The following MAST4 variants were observed in gnomAD, a reference collection of about 807,000 sequenced individuals.
MAST4 encodes the protein microtubule-associated serine/threonine-protein kinase 4.
MAST4 carries 89 observed loss-of-function variants against 162.7 expected under a neutral mutation model. That is an observed-to-expected ratio of 0.55 (90% CI 0.46 to 0.65). MAST4 has a LOEUF of 0.65. MAST4 is among the 30% of genes least tolerant of loss of function. The probability of loss-of-function intolerance (pLI) is 0.00; values close to 1 mark genes in which losing one functional copy is unlikely to be tolerated. For missense variants in MAST4, 3,153 were observed against 3,374.0 expected, an observed-to-expected ratio of 0.93 and a Z score of 1.62; for synonymous variants, 1,479 against 1,361.1, an observed-to-expected ratio of 1.09 and a Z score of -1.91.
At chr5:66,609,502 A>C (rs1743138028) in intron 1 of MAST4, among the ~76,000 whole-genome samples, 1 of 142,418 alleles carries the variant, frequency 7.0e-6, no homozygotes. Context: ...CCATCCTCCC[A>C]CCTTAGCCTC....
intron 3 of MAST4, among the ~76,000 whole-genome samples, chr5:66,875,235 T>A (rs1166372899): frequency 2.0e-5 from 3 of 152,226 alleles, no homozygotes; most frequent in East Asian, 1.9e-4. Flanking sequence ...ATTGGAAGAC[T>A]GGTTGCCATA....
chr5:67,153,682 C>A, intron 26 of MAST4, 102 bp downstream of exon 26: 1 of 1,112,546 alleles, frequency 9.0e-7, no homozygotes, highest in Non-Finnish European at 1.2e-6. Context: ...TGTCTGATTA[C>A]TGAGAAAGTA....
intron 1 of MAST4, among the ~76,000 whole-genome samples, chr5:66,642,197 A>G (rs1745532736): frequency 6.6e-6 from 1 of 152,208 alleles, no homozygotes; most frequent in Non-Finnish European, 1.5e-5. Context: ...TCTAACTGCC[A>G]ATTTATAAGA....
chr5:66,802,245 A>G (rs1458272226), intron 3 of MAST4, among the ~76,000 whole-genome samples: 2 of 151,990 alleles, frequency 1.3e-5, no homozygotes, highest in African/African-American at 4.8e-5. Context: ...CTTGTATTTC[A>G]TTTTTATTTA....
At chr5:66,630,376 C>T (rs142203771) in intron 1 of MAST4, among the ~76,000 whole-genome samples, 60 of 152,278 alleles carry the variant, frequency 3.9e-4, no homozygotes, top group African/African-American at 1.3e-3. Context: ...AAAATTGTGA[C>T]TCTTCAAATA....
chr5:66,741,347 C>G (rs552664653), intron 1 of MAST4, among the ~76,000 whole-genome samples: 11 of 152,292 alleles, frequency 7.2e-5, no homozygotes. Context: ...GCACAGTGGC[C>G]AAACCACACT....
At chr5:66,911,396 T>C (rs548292896) in intron 4 of MAST4, among the ~76,000 whole-genome samples, 57 of 152,212 alleles carry the variant, frequency 3.7e-4, no homozygotes, top group African/African-American at 1.3e-3. Flanking sequence ...TTTTTTTAGA[T>C]TGCAAACTCT....
At chr5:67,148,441 G>A (rs767336732) in intron 23 of MAST4, among the ~76,000 whole-genome samples, 3 of 152,186 alleles carry the variant, frequency 2.0e-5, no homozygotes, top group Non-Finnish European at 2.9e-5. Context: ...TCACCCTGCT[G>A]CAGAGCTTTC....
chr5:66,730,699 T>G (rs1288224333), intron 1 of MAST4, among the ~76,000 whole-genome samples: 3 of 152,138 alleles, frequency 2.0e-5, no homozygotes, highest in Non-Finnish European at 4.4e-5. Context: ...AAAATGTAGA[T>G]TTTTGAAGCG....
chr5:66,964,913 C>A lies in MAST4; in HGVS notation c.674+64931C>A, dbSNP rs141253075. Among the ~76,000 whole-genome samples, 454 of 152,260 alleles carry A rather than the reference C, an allele frequency of 3.0e-3. 14 individuals are homozygous for A. The East Asian group carries it at 0.032, about 11-fold the overall frequency. On this transcript the variant is annotated intron_variant, in intron 4 of 28. Transcript: ENST00000403625. ...TTATTTCATAAACGCAAATGAATGACGAATTTGCCACTTATGGCCACTTCC... is the reference window on the plus strand; with the variant it reads ...TTATTTCATAAACGCAAATGAATGAAGAATTTGCCACTTATGGCCACTTCC...
chr5:67,052,551 TTAAG>T (rs1364883659), intron 4 of MAST4, among the ~76,000 whole-genome samples: 2 of 152,164 alleles, frequency 1.3e-5, no homozygotes, highest in African/African-American at 4.8e-5. Flanking sequence ...TAGAAATTTT[TTAAG>T]TTTTTCTTAA....
intron 10 of MAST4, among the ~76,000 whole-genome samples, chr5:67,105,137 A>C (rs1317286902): frequency 6.6e-6 from 1 of 152,200 alleles, no homozygotes; most frequent in Non-Finnish European, 1.5e-5. Flanking sequence ...CTAGCACTTG[A>C]TAACACCCAG....
rs1186357712 is a variant in MAST4 at position 66,596,582 on chromosome 5, G to T, written c.-74G>T. The T allele has an allele frequency of 2.2e-6, 3 of 1,347,842 alleles. No individual in the cohort carries two copies. The highest frequency in any genetic ancestry group is 1.9e-5 in the South Asian group (1 of 51,454). 83.5% of individuals were successfully genotyped at this position (1,347,842 alleles called of 1,614,324 possible). Reference sequence around the variant, plus strand: ...CCAGTGAGCCTGAGCCCAGGAGCCCGCGTCTTCCCCGGGAGGCGCTGAGTG... The same window carrying T: ...CCAGTGAGCCTGAGCCCAGGAGCCCTCGTCTTCCCCGGGAGGCGCTGAGTG... On this transcript the variant is annotated 5_prime_UTR_variant, in exon 1 of 29. Transcript: ENST00000403625.
intron 4 of MAST4, among the ~76,000 whole-genome samples, chr5:66,983,138 T>C (rs537699789): frequency 3.6e-4 from 55 of 152,336 alleles, no homozygotes; most frequent in African/African-American, 1.3e-3. Context: ...CACTGAGCTT[T>C]TCTTGTGCTC....
chr5:66,736,676 T>C (rs1318087966), intron 1 of MAST4, among the ~76,000 whole-genome samples: 1 of 152,232 alleles, frequency 6.6e-6, no homozygotes, highest in African/African-American at 2.4e-5. Flanking sequence ...CAGGTACAGT[T>C]AACAGTGGTC....
rs143193377 is a variant in MAST4 at position 66,726,802 on chromosome 5, G to A, written c.364-32907G>A. On this transcript the variant is annotated intron_variant, in intron 1 of 28. Transcript: ENST00000403625. Reference sequence around the variant, plus strand: ...GAACCCTATTATGAACTGCGCATACGAGGGATCTAGGTTGTGTGCTCCTTA... The same window carrying A: ...GAACCCTATTATGAACTGCGCATACAAGGGATCTAGGTTGTGTGCTCCTTA... Among the ~76,000 whole-genome samples the A allele has an allele frequency of 8.1e-3, 1,238 of 152,162 alleles. 8 individuals are homozygous for A. Among genetic ancestry groups the A allele is most frequent in the Non-Finnish European group, 0.012 (840 of 68,002 alleles).
intron 6 of MAST4, chr5:67,093,724 G>A (rs553199901): frequency 3.3e-5 from 14 of 418,160 alleles, no homozygotes; most frequent in Admixed American, 2.4e-5. Flanking sequence ...TGATAACTGA[G>A]GGGAAGGAGA....
chr5:66,772,651 G>A (rs1187767415), intron 2 of MAST4, among the ~76,000 whole-genome samples: 1 of 152,184 alleles, frequency 6.6e-6, no homozygotes, highest in Non-Finnish European at 1.5e-5. Flanking sequence ...CAAGTGACTT[G>A]CCTGGGTGGA....
chr5:66,881,656 C>T (rs1329474090), intron 3 of MAST4, among the ~76,000 whole-genome samples: 1 of 152,026 alleles, frequency 6.6e-6, no homozygotes, highest in Non-Finnish European at 1.5e-5. Context: ...GGAAATTTGC[C>T]AAGATAGGAT....
Sources: gnomAD v4.1 joint callset for allele counts (sites outside exome capture counted in the v4.1 genomes callset) on GRCh38, gnomAD v4.1.1 for gene constraint, MANE v1.5 for transcripts, NCBI Gene and HGNC (gene_info 2026-07-23, HGNC 2026-07-21) for gene names.